ITGA1: variants seen among roughly 807,000 people sequenced by gnomAD.
The protein encoded by ITGA1 is integrin alpha-1.
A neutral mutation model predicts 145.9 loss-of-function variants in ITGA1; 85 were observed. The ratio of observed to expected loss-of-function variants is 0.58; its 90% CI spans 0.49 to 0.70. The LOEUF is 0.70. Among genes scored for constraint, ITGA1 ranks in the 30% least tolerant of loss-of-function variants. The probability of loss-of-function intolerance (pLI) is 0.00; values close to 1 mark genes in which losing one functional copy is unlikely to be tolerated. For missense variants in ITGA1, 1,351 were observed against 1,418.7 expected (o/e 0.95, Z 0.77); for synonymous variants, 520 against 495.3 (o/e 1.05, Z -0.66).
intron 1 of ITGA1, among the ~76,000 whole-genome samples, chr5:52,835,122 T>G (rs577649831): frequency 1.6e-4 from 25 of 152,328 alleles, no homozygotes; most frequent in African/African-American, 5.8e-4. Flanking sequence ...TATCTACCTG[T>G]TGTCTTCTGG....
intron 1 of ITGA1, among the ~76,000 whole-genome samples, chr5:52,815,990 G>T (rs1159947981): frequency 6.6e-6 from 1 of 152,172 alleles, no homozygotes; most frequent in Non-Finnish European, 1.5e-5. Context: ...GGAGACAGTA[G>T]TAAGTAGTGG....
At chr5:52,879,262 A>T (rs1749916467) in intron 6 of ITGA1, among the ~76,000 whole-genome samples, 2 of 152,116 alleles carry the variant, frequency 1.3e-5, no homozygotes, top group African/African-American at 4.8e-5. Flanking sequence ...TTCAAGAAAA[A>T]CAACAGGAGT....
At chr5:52,868,365 T>G (rs1317480642) in intron 6 of ITGA1, among the ~76,000 whole-genome samples, 1 of 152,220 alleles carries the variant, frequency 6.6e-6, no homozygotes, top group East Asian at 1.9e-4. Context: ...TTACAGCTTC[T>G]GTGAAGATCT....
At chr5:52,922,130 G>A (rs999357597) in intron 17 of ITGA1, among the ~76,000 whole-genome samples, 1 of 151,940 alleles carries the variant, frequency 6.6e-6, no homozygotes, top group Non-Finnish European at 1.5e-5. Context: ...GTGAAACCCC[G>A]TCTCTACTAA....
At position 52,898,290 on chromosome 5, in the gene ITGA1, G is replaced by A. The variant is rs754827420; in HGVS notation, c.1216G>A (p.Val406Ile). ...AGCCTATGATTGGAATGGAACAGTT[G>A]TCATGCAGAAGGCTAGTCAAATCAT... ...VGAYDWNGTV[V>I]MQKASQIIIP... is the part of the protein sequence containing the mutation. The change falls in exon 11 of 29, where the codon GTC becomes ATC. Residue 406 changes from valine (V) to isoleucine (I), a missense_variant. Val to Ile is a conservative substitution (Grantham distance 29). Coordinates refer to ENST00000282588, the MANE Select transcript of ITGA1 (RefSeq NM_181501.2). The A allele has an allele frequency of 3.1e-6, 5 of 1,612,038 alleles. No individual in the cohort carries two copies. Among genetic ancestry groups the A allele is most frequent in the Non-Finnish European group, 4.2e-6 (5 of 1,178,832 alleles).
rs560444916 is a variant in ITGA1, at chr5:52,799,603, A to G, written c.61+11189A>G. On this transcript the variant is annotated intron_variant, in intron 1 of 28. Transcript: ENST00000282588. ...GCAGACACGGTAACTAGGCGCAGAA[A>G]ACAGCTGGACACGTTGCTGGGAGCC... Among the ~76,000 whole-genome samples, 3 of 152,344 alleles carry G rather than the reference A, an allele frequency of 2.0e-5. No homozygotes were observed. In the South Asian group the frequency reaches 6.2e-4, roughly 32 times the overall value.
At chr5:52,814,767 T>C (rs1748738998) in intron 1 of ITGA1, among the ~76,000 whole-genome samples, 1 of 152,072 alleles carries the variant, frequency 6.6e-6, no homozygotes, top group African/African-American at 2.4e-5. Context: ...ATCAGTCCAA[T>C]TGGTAGATTT....
intron 28 of ITGA1, among the ~76,000 whole-genome samples, chr5:52,951,237 A>C (rs1751214443): frequency 6.6e-6 from 1 of 152,240 alleles, no homozygotes; most frequent in Non-Finnish European, 1.5e-5. Flanking sequence ...ACACTTTTAA[A>C]GAATTAACTC....
Position 52,821,903 on chromosome 5 carries a change from C to T in ITGA1, c.62-27462C>T, listed in dbSNP as rs144982868. Among the ~76,000 whole-genome samples, 116 of 152,222 alleles carry T rather than the reference C, an allele frequency of 7.6e-4. No individual in the cohort carries two copies. In the East Asian group the frequency reaches 0.022, roughly 28 times the overall value. The stretch of plus-strand genomic sequence containing the variant: ...TGTATGGACTTTGAGTTGACTGCCC[C>T]AACTCTGTTTTTATCATAAGCTGTA... On this transcript the variant is annotated intron_variant, in intron 1 of 28. Transcript: ENST00000282588.
intron 1 of ITGA1, among the ~76,000 whole-genome samples, chr5:52,814,036 G>A (rs1304724166): frequency 6.6e-6 from 1 of 152,160 alleles, no homozygotes. Flanking sequence ...GCTGAGCCTG[G>A]ACTGGCAGGA....
At chr5:52,938,053 T>C (rs1750998426) in intron 24 of ITGA1, among the ~76,000 whole-genome samples, 1 of 152,220 alleles carries the variant, frequency 6.6e-6, no homozygotes, top group African/African-American at 2.4e-5. Context: ...AAAGACCCTA[T>C]TTCCAAGTAA....
Position 52,955,046 on chromosome 5 carries a change from T to A in ITGA1, c.*2595T>A, listed in dbSNP as rs2111567254. The A allele has an allele frequency of 6.6e-6, 1 of 152,318 alleles. No individual in the cohort carries two copies. Among genetic ancestry groups the A allele is most frequent in the East Asian group, 1.9e-4 (1 of 5,188 alleles). The allele number at this position is 152,318 out of a possible 1,614,324, so 9.4% of individuals were successfully genotyped here. On this transcript the variant is annotated 3_prime_UTR_variant, in exon 29 of 29. Transcript: ENST00000282588. ...GTTTCTTTTTCTCTAACTTTGGTATTCTAAATAATTGATTATTGCTCCCAT... is the reference window on the plus strand; with the variant it reads ...GTTTCTTTTTCTCTAACTTTGGTATACTAAATAATTGATTATTGCTCCCAT...
At chr5:52,883,146 A>G (rs1749988617) in intron 7 of ITGA1, among the ~76,000 whole-genome samples, 1 of 152,216 alleles carries the variant, frequency 6.6e-6, no homozygotes, top group Admixed American at 6.5e-5. Flanking sequence ...CAATTTGTAT[A>G]CACAAAGAGT....
rs923547275 is a variant in ITGA1 at position 52,812,756 on chromosome 5, C to T, written c.61+24342C>T. ...CAAAATATCTGAAAATTCCTAAGAG[C>T]GCAATTTAAGTTCATTTTGTTCCTT... On this transcript the variant is annotated intron_variant, in intron 1 of 28. Coordinates refer to ENST00000282588, the MANE Select transcript of ITGA1 (RefSeq NM_181501.2). Among the ~76,000 whole-genome samples, 82 of 145,266 alleles carry T rather than the reference C, an allele frequency of 5.6e-4. 1 individual carries two copies. The highest frequency in any genetic ancestry group is 3.1e-4 in the African/African-American group (12 of 39,092).
At position 52,884,951 on chromosome 5, in the gene ITGA1, G is replaced by A. The variant is rs572128375; in HGVS notation, c.774-2864G>A. Among the ~76,000 whole-genome samples, 6 of 152,224 alleles carry A rather than the reference G, an allele frequency of 3.9e-5. No individual in the cohort carries two copies. The South Asian group carries it at 1.2e-3, about 32-fold the overall frequency. ...CAATTTAGAGCCAGTAGGTTTCCAG[G>A]TACCCACGATTTGTCCAACGTGGCT... On this transcript the variant is annotated intron_variant, in intron 7 of 28. Transcript: ENST00000282588.
intron 6 of ITGA1, among the ~76,000 whole-genome samples, chr5:52,869,682 A>C (rs1749748085): frequency 6.6e-6 from 1 of 152,090 alleles, no homozygotes; most frequent in Non-Finnish European, 1.5e-5. Context: ...TTGTTGAGTA[A>C]ATGTTTGTAT....
At chr5:52,944,656 G>A (rs1339130941) in intron 26 of ITGA1, among the ~76,000 whole-genome samples, 1 of 152,132 alleles carries the variant, frequency 6.6e-6, no homozygotes, top group Non-Finnish European at 1.5e-5. Flanking sequence ...ATTAAAGGTA[G>A]GCAGAGTTTG....
Position 52,788,369 on chromosome 5 carries a change from C to A in ITGA1, c.16C>A (p.Arg6Ser), listed in dbSNP as rs772065571. The change falls in exon 1 of 29, where the codon CGC (arginine) becomes AGC (serine). Residue 6 changes from arginine to serine, a missense_variant. Arg to Ser is a moderately radical substitution (Grantham distance 110). Coordinates refer to ENST00000282588, the MANE Select transcript of ITGA1 (RefSeq NM_181501.2). The part of the protein sequence containing the change: MAPRP[R>S]ARPGVAVACC... ...TGCTCCGGCCATGGCCCCTCGGCCC[C>A]GCGCCCGCCCAGGGGTCGCTGTCGC... The A allele has an allele frequency of 6.6e-7, 1 of 1,511,758 alleles. No individual in the cohort carries two copies. Among genetic ancestry groups the A allele is most frequent in the South Asian group, 1.2e-5 (1 of 81,334 alleles). The allele number at this position is 1,511,758 out of a possible 1,614,324, so 93.6% of individuals were successfully genotyped here.
chr5:52,853,531 G>A (rs1749459525), intron 2 of ITGA1, among the ~76,000 whole-genome samples: 2 of 152,106 alleles, frequency 1.3e-5, no homozygotes, highest in Non-Finnish European at 2.9e-5. Context: ...CGTGACTATA[G>A]TACGCCTATA....
Sources: gnomAD v4.1 joint callset for allele counts (sites outside exome capture counted in the v4.1 genomes callset) on GRCh38, gnomAD v4.1.1 for gene constraint, MANE v1.5 for transcripts, NCBI Gene and HGNC (gene_info 2026-07-23, HGNC 2026-07-21) for gene names.